FAM227A: variants seen among roughly 807,000 people sequenced by gnomAD.
The protein encoded by FAM227A is protein FAM227A.
FAM227A carries 80 observed loss-of-function variants against 74.7 expected under a neutral mutation model. That is an observed-to-expected ratio of 1.07 (90% CI 0.89 to 1.29). FAM227A has a LOEUF of 1.29. Among genes scored for constraint, FAM227A ranks in the 50% most tolerant of loss-of-function variants. The pLI is 0.00. For missense variants in FAM227A, 654 were observed against 683.4 expected, an observed-to-expected ratio of 0.96 and a Z score of 0.48; for synonymous variants, 237 against 241.8, an observed-to-expected ratio of 0.98 and a Z score of 0.19.
chr22:38,609,992 C>T (rs140531713), intron 11 of FAM227A, among the ~76,000 whole-genome samples: 2,822 of 152,118 alleles, frequency 0.019, 96 homozygotes, highest in African/African-American at 0.065. Context: ...AGGCTGGTCT[C>T]GAACTCCTGA....
In FAM227A at chr22:38,584,877, A is replaced by G. The variant is rs2090773665; in HGVS notation, c.*1248T>C. On this transcript the variant is annotated 3_prime_UTR_variant, in exon 17 of 17. Coordinates refer to ENST00000535113, the MANE Select transcript of FAM227A (RefSeq NM_001013647.2). ...AATAGCATGGTCTTGGCTCACTGCAACCTCCGCCACCTGGGTTCCAACGAT... is the reference window on the plus strand; with the variant it reads ...AATAGCATGGTCTTGGCTCACTGCAGCCTCCGCCACCTGGGTTCCAACGAT... 6.7e-6 allele frequency: 1 copy of G among 149,320 alleles called. No individual in the cohort carries two copies. Among genetic ancestry groups the G allele is most frequent in the East Asian group, 2.0e-4 (1 of 5,124 alleles). 9.2% of individuals were successfully genotyped at this position (149,320 alleles called of 1,614,324 possible).
Position 38,650,247 on chromosome 22 carries a change from T to C in FAM227A, c.-79A>G. On this transcript the variant is annotated 5_prime_UTR_variant, in exon 2 of 17. Transcript: ENST00000535113. Reference sequence around the variant, plus strand: ...TCATTTCCCACTCCAATCTTGTCGTTTGTTTAATCAGCCTCCTGGAAATCA... The same window carrying C: ...TCATTTCCCACTCCAATCTTGTCGTCTGTTTAATCAGCCTCCTGGAAATCA... The C allele has an allele frequency of 7.1e-7, 1 of 1,412,852 alleles. No homozygotes were observed. Among genetic ancestry groups the C allele is most frequent in the Non-Finnish European group, 9.7e-7 (1 of 1,032,956 alleles). 87.5% of individuals were successfully genotyped at this position (1,412,852 alleles called of 1,614,324 possible).
At chr22:38,626,891 A>AATATATATATAT (rs1555966997) in intron 8 of FAM227A, among the ~76,000 whole-genome samples, 42 of 57,674 alleles carry the variant, frequency 7.3e-4, no homozygotes, top group East Asian at 1.7e-3. Flanking sequence ...AAAAAAAAAA[A>AATATATATATAT]ATATATATAT....
Position 38,582,036 on chromosome 22 carries a change from C to T in FAM227A, c.*4089G>A, listed in dbSNP as rs1452863276. ...GGGATTACAGGTGTGAGCCACCATG[C>T]CTGGCCTGTTCGTTTTTTAACAAAG... On this transcript the variant is annotated 3_prime_UTR_variant, in exon 17 of 17. Coordinates refer to ENST00000535113, the MANE Select transcript of FAM227A (RefSeq NM_001013647.2). The T allele has an allele frequency of 1.1e-5, 3 of 272,726 alleles. No homozygotes were observed. Among genetic ancestry groups the T allele is most frequent in the East Asian group, 8.2e-5 (1 of 12,176 alleles). The allele number at this position is 272,726 out of a possible 1,614,324, so 16.9% of individuals were successfully genotyped here. A position where few individuals can be genotyped will look rare whatever the true frequency, so the allele number is the denominator to read the frequency against.
In FAM227A at chr22:38,628,906, C is replaced by T. The variant is rs1219628496; in HGVS notation, c.549G>A (p.Lys183=). ...KHFCSGRELE[K]FLSSSSPRAI... is the part of the protein sequence containing the mutation. ...CTCTTGGAGAAGAAGAAGAGAGAAA[C>T]TTCTCTAATTCTCTACCTGAACAGA... The change falls in exon 7 of 17, where the codon AAG becomes AAA. Residue 183 remains lysine, a synonymous_variant. Coordinates refer to ENST00000535113, the MANE Select transcript of FAM227A (RefSeq NM_001013647.2). The T allele has an allele frequency of 3.2e-6, 5 of 1,542,438 alleles. No individual in the cohort carries two copies. In the East Asian group the frequency reaches 1.2e-4, roughly 38 times the overall value.
At chr22:38,647,862 ACTT>A (rs2092265883) in intron 2 of FAM227A, among the ~76,000 whole-genome samples, 1 of 152,158 alleles carries the variant, frequency 6.6e-6, no homozygotes, top group Admixed American at 6.6e-5. Flanking sequence ...GGTAAAATGG[ACTT>A]CTTAGGTGTG....
intron 6 of FAM227A, among the ~76,000 whole-genome samples, chr22:38,630,087 C>A (rs1006024886): frequency 1.4e-5 from 2 of 147,172 alleles, no homozygotes; most frequent in African/African-American, 5.0e-5. Context: ...CATCAGGAAG[C>A]GTGCCTCTTC....
chr22:38,642,611 C>T (rs2092140991), intron 3 of FAM227A, among the ~76,000 whole-genome samples: 1 of 152,122 alleles, frequency 6.6e-6, no homozygotes, highest in Non-Finnish European at 1.5e-5. Flanking sequence ...AAAATATTTG[C>T]AAGAAAATCC....
At chr22:38,589,272 C>A (rs915778787) in intron 16 of FAM227A, among the ~76,000 whole-genome samples, 6 of 152,164 alleles carry the variant, frequency 3.9e-5, no homozygotes, top group Non-Finnish European at 7.3e-5. Flanking sequence ...ACCCTGAACC[C>A]CGCACAGGAA....
chr22:38,599,991 GGC>G, intron 13 of FAM227A, 70 bp from the exon 14 acceptor site: 2 of 1,354,294 alleles, frequency 1.5e-6, no homozygotes, highest in South Asian at 1.5e-5. Flanking sequence ...GAACCAGAAA[GGC>G]ATCAAAGCAC....
chr22:38,599,425 G>A (rs1401712081), intron 14 of FAM227A, among the ~76,000 whole-genome samples: 2 of 152,160 alleles, frequency 1.3e-5, no homozygotes, highest in Non-Finnish European at 1.5e-5. Context: ...TACATACTCT[G>A]GGGTCAACGA....
At chr22:38,655,351 GA>G (rs1426771668) in intron 1 of FAM227A, among the ~76,000 whole-genome samples, 1 of 151,110 alleles carries the variant, frequency 6.6e-6, no homozygotes, top group African/African-American at 2.4e-5. Context: ...CCAACATGGT[GA>G]AACGCCATCT....
At chr22:38,644,230 T>C (rs2092181049) in intron 3 of FAM227A, among the ~76,000 whole-genome samples, 2 of 151,016 alleles carry the variant, frequency 1.3e-5, no homozygotes, top group South Asian at 4.2e-4. Context: ...GGCTACGTAC[T>C]ATATGATTCC....
intron 11 of FAM227A, chr22:38,618,301 A>G (rs2091619181): frequency 6.6e-6 from 1 of 152,196 alleles, no homozygotes; most frequent in Non-Finnish European, 1.5e-5. Flanking sequence ...GGAAGAAGAG[A>G]CAACTCATCA....
chr22:38,592,380 C>A (rs141400195), intron 15 of FAM227A, among the ~76,000 whole-genome samples: 1 of 152,098 alleles, frequency 6.6e-6, no homozygotes, highest in African/African-American at 2.4e-5. Flanking sequence ...CAAGAGTATC[C>A]TTTATTTCTG....
At chr22:38,640,039 CTT>C (rs963812206) in intron 3 of FAM227A, among the ~76,000 whole-genome samples, 2 of 145,566 alleles carry the variant, frequency 1.4e-5, no homozygotes, top group Non-Finnish European at 3.0e-5. Flanking sequence ...TTCCAGGGTT[CTT>C]TTTTTTTTTT....
intron 8 of FAM227A, among the ~76,000 whole-genome samples, chr22:38,627,804 A>G (rs2082974183): frequency 6.6e-6 from 1 of 152,004 alleles, no homozygotes; most frequent in African/African-American, 2.4e-5. Context: ...GGGTTTTGCC[A>G]TGTTGACCAG....
chr22:38,626,106 A>C, intron 9 of FAM227A, 74 bp downstream of exon 9: 1 of 1,487,690 alleles, frequency 6.7e-7, no homozygotes, highest in South Asian at 1.3e-5. Context: ...ATAGCAAACA[A>C]TAACATACCT....
At chr22:38,642,276 C>T (rs781730889) in intron 3 of FAM227A, among the ~76,000 whole-genome samples, 4 of 152,144 alleles carry the variant, frequency 2.6e-5, no homozygotes, top group Non-Finnish European at 2.9e-5. Flanking sequence ...GCAGAAACCT[C>T]CATGGGAACC....
Sources: gnomAD v4.1 joint callset for allele counts (sites outside exome capture counted in the v4.1 genomes callset) on GRCh38, gnomAD v4.1.1 for gene constraint, MANE v1.5 for transcripts, NCBI Gene and HGNC (gene_info 2026-07-23, HGNC 2026-07-21) for gene names.